The following NCKAP5L variants were observed in gnomAD, a reference collection of about 807,000 sequenced individuals.
NCKAP5L encodes nck-associated protein 5-like.
A neutral mutation model predicts 103.2 loss-of-function variants in NCKAP5L; 54 were observed. That is an observed-to-expected ratio of 0.52 (90% CI 0.42 to 0.66). The LOEUF is 0.66. Among genes scored for constraint, NCKAP5L ranks in the 30% least tolerant of loss-of-function variants. The pLI, the probability that NCKAP5L is intolerant of heterozygous loss-of-function variation, is 0.00. For missense variants in NCKAP5L, 1,733 were observed against 1,750.6 expected (o/e 0.99, Z 0.18); for synonymous variants, 762 against 748.6 (o/e 1.02, Z -0.29).
intron 6 of NCKAP5L, among the ~76,000 whole-genome samples, chr12:49,799,405 G>C (rs1466580919): frequency 1.3e-5 from 2 of 151,698 alleles, no homozygotes; most frequent in African/African-American, 4.8e-5. Context: ...GATCCCCTGG[G>C]CTCAAGCAAT....
At position 49,791,794 on chromosome 12, in the gene NCKAP5L, T is replaced by G; in HGVS notation, c.*45A>C. ...CTGGGCATGAAGAGAGCCGGTCCAG[T>G]CTGTGGTCCCCAGCTCCAGCGGGGC... On this transcript the variant is annotated 3_prime_UTR_variant, in exon 13 of 13. Coordinates refer to ENST00000335999, the MANE Select transcript of NCKAP5L (RefSeq NM_001037806.4). 6.8e-7 allele frequency: 1 copy of G among 1,481,298 alleles called. No individual in the cohort carries two copies. Among genetic ancestry groups the G allele is most frequent in the South Asian group, 1.3e-5 (1 of 75,102 alleles). The allele number at this position is 1,481,298 out of a possible 1,614,324, so 91.8% of individuals were successfully genotyped here. A position where few individuals can be genotyped will look rare whatever the true frequency, so the allele number is the denominator to read the frequency against.
At position 49,791,802 on chromosome 12, in the gene NCKAP5L, C is replaced by A; in HGVS notation, c.*37G>T. The A allele has an allele frequency of 1.3e-6, 2 of 1,507,722 alleles. No homozygotes were observed. Among genetic ancestry groups the A allele is most frequent in the Non-Finnish European group, 1.8e-6 (2 of 1,119,904 alleles). 93.4% of individuals were successfully genotyped at this position (1,507,722 alleles called of 1,614,324 possible). ...GAAGAGAGCCGGTCCAGTCTGTGGT[C>A]CCCAGCTCCAGCGGGGCCGTGGCGT... On this transcript the variant is annotated 3_prime_UTR_variant, in exon 13 of 13. Transcript: ENST00000335999.
At chr12:49,793,974 C>T (rs1036834501) in intron 8 of NCKAP5L, 78 bp from the exon 9 acceptor site, 6 of 1,333,372 alleles carry the variant, frequency 4.5e-6, no homozygotes, top group Non-Finnish European at 5.9e-6. Context: ...GCCAATGGTG[C>T]TGGGCTTAGG....
At chr12:49,825,336 G>A (rs1177612784) in intron 1 of NCKAP5L, among the ~76,000 whole-genome samples, 1 of 152,194 alleles carries the variant, frequency 6.6e-6, no homozygotes, top group Non-Finnish European at 1.5e-5. Flanking sequence ...GAGGGTTGTC[G>A]AAGGAGACAG....
intron 1 of NCKAP5L, among the ~76,000 whole-genome samples, chr12:49,816,495 C>CA (rs1163941989): frequency 0.023 from 1,116 of 48,962 alleles, 23 homozygotes; most frequent in Middle Eastern, 0.044. Context: ...TCAACCCTCT[C>CA]AAAAAAAAAA....
intron 2 of NCKAP5L, 93 bp from the exon 3 acceptor site, chr12:49,804,173 C>T: frequency 8.0e-7 from 1 of 1,247,280 alleles, no homozygotes; most frequent in Non-Finnish European, 1.1e-6. Context: ...GACCTATATG[C>T]ATGACACTGT....
At chr12:49,823,912 G>A (rs1946387948) in intron 1 of NCKAP5L, among the ~76,000 whole-genome samples, 1 of 152,226 alleles carries the variant, frequency 6.6e-6, no homozygotes, top group South Asian at 2.1e-4. Context: ...CACTGGCTGG[G>A]AAACTGAGGC....
chr12:49,808,745 T>C (rs191680925), intron 1 of NCKAP5L, among the ~76,000 whole-genome samples: 2 of 152,146 alleles, frequency 1.3e-5, no homozygotes, highest in Non-Finnish European at 2.9e-5. Context: ...CAGCTCCTGC[T>C]CACAGCCATG....
rs776431072 is a variant in NCKAP5L, at chr12:49,795,738, T to C, written c.2122A>G (p.Met708Val). The C allele has an allele frequency of 6.9e-6, 11 of 1,603,624 alleles. No individual in the cohort carries two copies. The highest frequency in any genetic ancestry group is 4.5e-5 in the East Asian group (2 of 44,146). The change falls in exon 8 of 13, where the codon ATG (methionine) becomes GTG (valine). Residue 708 changes from methionine to valine, a missense_variant. Physicochemically the swap from Met to Val is conservative, Grantham distance 21. Coordinates refer to ENST00000335999, the MANE Select transcript of NCKAP5L (RefSeq NM_001037806.4). The part of the protein sequence containing the change: ...PGKSGESAGD[M>V]VPSIHRPLEQ... ...AGTGGCCTGTGGATGGAGGGCACCA[T>C]GTCTCCAGCACTCTCCCCTGACTTC...
intron 9 of NCKAP5L, 28 bp downstream of exon 9, chr12:49,793,705 TC>T (rs760500679): frequency 5.3e-6 from 8 of 1,518,022 alleles, no homozygotes; most frequent in Admixed American, 2.2e-5. Flanking sequence ...AGCCAGGCCG[TC>T]CACCCAGTCC....
At chr12:49,803,273 A>G in intron 3 of NCKAP5L, 108 bp from the exon 4 acceptor site, 1 of 1,007,564 alleles carries the variant, frequency 9.9e-7, no homozygotes, top group East Asian at 2.5e-5. Flanking sequence ...GGTGCTAACT[A>G]TACCCCCACT....
chr12:49,810,791 A>G (rs1422879473), intron 1 of NCKAP5L, among the ~76,000 whole-genome samples: 1 of 152,256 alleles, frequency 6.6e-6, no homozygotes, highest in East Asian at 1.9e-4. Context: ...AAATATGTTA[A>G]CATGTGATGG....
chr12:49,810,201 G>A (rs11833100), intron 1 of NCKAP5L, among the ~76,000 whole-genome samples: 3,258 of 141,050 alleles, frequency 0.023, 110 homozygotes, highest in African/African-American at 0.073. Context: ...AGGGGGTGGG[G>A]AGAGGGAAGG....
chr12:49,794,885 C>T lies in NCKAP5L; in HGVS notation c.2975G>A (p.Arg992Gln), dbSNP rs754109446. 32 of 1,506,604 alleles carry T rather than the reference C, an allele frequency of 2.1e-5. No homozygotes were observed. The highest frequency in any genetic ancestry group is 2.8e-5 in the African/African-American group (2 of 71,260). The allele number at this position is 1,506,604 out of a possible 1,614,324, so 93.3% of individuals were successfully genotyped here. A position where few individuals can be genotyped will look rare whatever the true frequency, so the allele number is the denominator to read the frequency against. Residue 992 changes from arginine (R) to glutamine (Q), a missense_variant, in exon 8 of 13, where the codon CGG becomes CAG. Coordinates refer to ENST00000335999, the MANE Select transcript of NCKAP5L (RefSeq NM_001037806.4). ...TGGGCCACCAGGCCGTGGCCGGGCC[C>T]GGCTGCTTAGGTAGGCCTTCTCCTC... ...LEEEKAYLSS[R>Q]ARPRPGGPAP...
chr12:49,799,815 C>A (rs1946099091), intron 6 of NCKAP5L, among the ~76,000 whole-genome samples: 2 of 152,212 alleles, frequency 1.3e-5, no homozygotes, highest in Non-Finnish European at 2.9e-5. Flanking sequence ...CAGCTTGCTG[C>A]TCTCTGGGCT....
In NCKAP5L at chr12:49,792,373, G is replaced by T; in HGVS notation, c.3792+73C>A. On this transcript the variant is annotated intron_variant, in intron 12 of 12. Transcript: ENST00000335999. This position sits in a 1 kb window ranked among gnomAD's most constrained non-coding sequence, Gnocchi z 4.5. ...TGCGACACACAGGCCGTACCTTACT[G>T]GAGAAACTGGTCTCCCCACATCACT... The T allele has an allele frequency of 6.3e-7, 1 of 1,582,536 alleles. No homozygotes were observed.
At chr12:49,816,110 G>A (rs1036113746) in intron 1 of NCKAP5L, among the ~76,000 whole-genome samples, 1 of 152,144 alleles carries the variant, frequency 6.6e-6, no homozygotes, top group Non-Finnish European at 1.5e-5. Flanking sequence ...ATTTCCAAAT[G>A]CAATGCATTG....
At chr12:49,818,258 A>T (rs1396489712) in intron 1 of NCKAP5L, among the ~76,000 whole-genome samples, 1 of 152,236 alleles carries the variant, frequency 6.6e-6, no homozygotes, top group Non-Finnish European at 1.5e-5. Flanking sequence ...ATATGACCCC[A>T]AAAGCACAGG....
chr12:49,798,037 T>G (rs955183668), intron 7 of NCKAP5L, among the ~76,000 whole-genome samples: 1 of 152,212 alleles, frequency 6.6e-6, no homozygotes, highest in African/African-American at 2.4e-5. Context: ...TCTAAGCTGC[T>G]TCATTGTGTC....
Sources: allele counts gnomAD v4.1 joint callset (sites outside exome capture counted in the v4.1 genomes callset), GRCh38; gene constraint gnomAD v4.1.1; non-coding constraint Gnocchi (gnomAD v3.1); transcripts MANE v1.5; gene names NCBI Gene and HGNC (gene_info 2026-07-23, HGNC 2026-07-21).